SHANK2: variants seen among roughly 807,000 people sequenced by gnomAD.
SHANK2 encodes the protein SH3 and multiple ankyrin repeat domains protein 2.
SHANK2 carries 43 observed loss-of-function variants against 133.7 expected under a neutral mutation model. That is an observed-to-expected ratio of 0.32 (90% CI 0.25 to 0.41). SHANK2 has a LOEUF of 0.41. Among genes scored for constraint, SHANK2 ranks in the 10% least tolerant of loss-of-function variants. The pLI is 1.00. For synonymous variants in SHANK2, 1,017 were observed against 952.8 expected (o/e 1.07, Z -1.24); for missense variants, 1,994 against 2,235.8 (o/e 0.89, Z 2.18).
intron 17 of SHANK2, among the ~76,000 whole-genome samples, chr11:70,596,754 G>A (rs11236770): frequency 0.25 from 38,307 of 151,994 alleles, 5,176 homozygotes; most frequent in Admixed American, 0.37. Flanking sequence ...CCGGGGTCAC[G>A]GGCACTTTGG....
intron 11 of SHANK2, among the ~76,000 whole-genome samples, chr11:70,876,522 T>A (rs1247395031): frequency 6.7e-6 from 1 of 149,840 alleles, no homozygotes; most frequent in Non-Finnish European, 1.5e-5. Flanking sequence ...GTCACGCCAC[T>A]GCACTCCAGC....
At chr11:70,553,943 C>T (rs1186510342) in intron 17 of SHANK2, among the ~76,000 whole-genome samples, 7 of 152,364 alleles carry the variant, frequency 4.6e-5, no homozygotes, top group Admixed American at 6.5e-5. Flanking sequence ...GCAGAAGAGG[C>T]TACAGGCCTG....
chr11:70,615,673 T>G (rs1554995720), intron 17 of SHANK2, among the ~76,000 whole-genome samples: 2 of 152,222 alleles, frequency 1.3e-5, no homozygotes, highest in Non-Finnish European at 2.9e-5. Flanking sequence ...GAACTCGCTG[T>G]GTGGGCGGCT....
intron 11 of SHANK2, among the ~76,000 whole-genome samples, chr11:70,868,247 G>T (rs1949402407): frequency 6.6e-6 from 1 of 152,178 alleles, no homozygotes; most frequent in Non-Finnish European, 1.5e-5. Context: ...GGCTGAGGGG[G>T]TCGGCATACG....
rs1199002427 is a variant in SHANK2 at position 70,487,759 on chromosome 11, G to A, written c.2573-39C>T. 5.8e-6 allele frequency: 9 copies of A among 1,550,368 alleles called. No individual in the cohort carries two copies. Among genetic ancestry groups the A allele is most frequent in the Non-Finnish European group, 7.8e-6 (9 of 1,147,062 alleles). On this transcript the variant is annotated intron_variant, in intron 24 of 25. Transcript: ENST00000601538. The surrounding 1 kb of genome is among the most constrained non-coding windows in gnomAD (Gnocchi z 5.8). The stretch of plus-strand genomic sequence containing the variant: ...ACAGGTTTAGCTTTAAGTCACAATA[G>A]CAACAAAGCCTAAGTTCCTAGGAAC...
At chr11:70,813,659 C>A (rs1457340671) in intron 12 of SHANK2, among the ~76,000 whole-genome samples, 2 of 152,196 alleles carry the variant, frequency 1.3e-5, no homozygotes, top group Admixed American at 1.3e-4. Context: ...CAGAGGGCAG[C>A]ACAGCAAACG....
At chr11:70,602,577 G>A (rs542060358) in intron 17 of SHANK2, among the ~76,000 whole-genome samples, 1 of 152,194 alleles carries the variant, frequency 6.6e-6, no homozygotes, top group South Asian at 2.1e-4. Context: ...CCTCCACGAG[G>A]CTCTGGAAAC....
intron 11 of SHANK2, among the ~76,000 whole-genome samples, chr11:70,821,775 A>T (rs1555055992): frequency 6.6e-6 from 1 of 152,158 alleles, no homozygotes; most frequent in Admixed American, 6.5e-5. Flanking sequence ...GCCTGAGCCA[A>T]CCATACAGTC....
chr11:70,551,739 C>T (rs1554978105), intron 17 of SHANK2, among the ~76,000 whole-genome samples: 1 of 152,246 alleles, frequency 6.6e-6, no homozygotes, highest in African/African-American at 2.4e-5. Context: ...TCCCACTTAG[C>T]CTCAGCTGTG....
At chr11:70,681,080 C>T (rs1044540432) in intron 15 of SHANK2, among the ~76,000 whole-genome samples, 1 of 152,164 alleles carries the variant, frequency 6.6e-6, no homozygotes, top group African/African-American at 2.4e-5. Context: ...TGCAGGAGGA[C>T]TCAGAGGACA....
intron 2 of SHANK2, among the ~76,000 whole-genome samples, chr11:71,195,982 G>C (rs1413042124): frequency 6.6e-6 from 1 of 152,102 alleles, no homozygotes; most frequent in African/African-American, 2.4e-5. Context: ...AGGAGTTCGG[G>C]ACCAGCCTGA....
chr11:71,126,504 G>A (rs1290464470), intron 3 of SHANK2, among the ~76,000 whole-genome samples: 2 of 152,132 alleles, frequency 1.3e-5, no homozygotes, highest in Non-Finnish European at 2.9e-5. Flanking sequence ...ATGGATTAAG[G>A]ATTAATTTCG....
At chr11:70,728,033 C>G (rs1946210711) in intron 14 of SHANK2, among the ~76,000 whole-genome samples, 1 of 152,176 alleles carries the variant, frequency 6.6e-6, no homozygotes, top group South Asian at 2.1e-4. Flanking sequence ...GCTATAAATG[C>G]TTTGGAAAAG....
intron 10 of SHANK2, among the ~76,000 whole-genome samples, chr11:70,945,417 T>C (rs1430461150): frequency 6.6e-6 from 1 of 152,174 alleles, no homozygotes; most frequent in Non-Finnish European, 1.5e-5. Flanking sequence ...AAGGTGCTGT[T>C]ATCAGCCACA....
In SHANK2 at chr11:70,502,210, C is replaced by A; in HGVS notation, c.2274G>T (p.Glu758Asp). 6.4e-7 allele frequency: 1 copy of A among 1,556,194 alleles called. No individual in the cohort carries two copies. Among genetic ancestry groups the A allele is most frequent in the Non-Finnish European group, 8.7e-7 (1 of 1,149,090 alleles). The change falls in exon 19 of 26, where the codon GAG becomes GAT. Residue 758 changes from glutamate (E) to aspartate (D), a missense_variant. By Grantham distance (45) the Glu-to-Asp change is conservative. Transcript: ENST00000601538. ...RSKSMTSELE[E>D]LVDKASVRKK... is the part of the protein sequence containing the mutation. ...TGGGCCGGGTGTGCGACTTACCGAGCTCCTCCAGCTCCGAGGTCATGGACT... is the reference window on the plus strand; with the variant it reads ...TGGGCCGGGTGTGCGACTTACCGAGATCCTCCAGCTCCGAGGTCATGGACT...
chr11:70,622,416 C>T (rs933804295), intron 17 of SHANK2, among the ~76,000 whole-genome samples: 1 of 152,130 alleles, frequency 6.6e-6, no homozygotes, highest in Non-Finnish European at 1.5e-5. Context: ...GGCTTCCTGA[C>T]CCTCTGTGCG....
Position 71,252,143 on chromosome 11 carries a change from C to T in SHANK2, c.-113+282G>A, listed in dbSNP as rs1195428419. 2.0e-5 allele frequency among the ~76,000 whole-genome samples: 3 copies of T among 152,206 alleles called. No homozygotes were observed. Among genetic ancestry groups the T allele is most frequent in the Non-Finnish European group, 4.4e-5 (3 of 68,022 alleles). Reference sequence around the variant, plus strand: ...GGGGCTCCTTCCTGCGCTCTGCCCCCACGCCGCTTCCAAAGCTTTCGACAC... The same window carrying T: ...GGGGCTCCTTCCTGCGCTCTGCCCCTACGCCGCTTCCAAAGCTTTCGACAC... On this transcript the variant is annotated intron_variant, in intron 1 of 25. Transcript: ENST00000601538. This position sits in a 1 kb window ranked among gnomAD's most constrained non-coding sequence, Gnocchi z 6.3.
intron 11 of SHANK2, among the ~76,000 whole-genome samples, chr11:70,840,189 G>A (rs963477178): frequency 5.3e-5 from 8 of 152,202 alleles, no homozygotes; most frequent in African/African-American, 9.7e-5. Context: ...CACTGTGATC[G>A]CCACCTCAAT....
rs2058599039 is a variant in SHANK2 at position 70,471,604 on chromosome 11, C to T, written c.*1265G>A. On this transcript the variant is annotated 3_prime_UTR_variant, in exon 26 of 26. Transcript: ENST00000601538. The surrounding 1 kb of genome is among the most constrained non-coding windows in gnomAD (Gnocchi z 4.1). ...TGCCGCCCACCTTCTGTTCTCAACCCTGGGTTCTGTCTATACTCCATACCC... is the reference window on the plus strand; with the variant it reads ...TGCCGCCCACCTTCTGTTCTCAACCTTGGGTTCTGTCTATACTCCATACCC... 2.5e-6 allele frequency: 1 copy of T among 392,806 alleles called. No individual in the cohort carries two copies. The highest frequency in any genetic ancestry group is 4.5e-6 in the Non-Finnish European group (1 of 223,100). The allele number at this position is 392,806 out of a possible 1,614,324, so 24.3% of individuals were successfully genotyped here. A position where few individuals can be genotyped will look rare whatever the true frequency, so the allele number is the denominator to read the frequency against.
Sources: allele counts gnomAD v4.1 joint callset (sites outside exome capture counted in the v4.1 genomes callset), GRCh38; gene constraint gnomAD v4.1.1; non-coding constraint Gnocchi (gnomAD v3.1); transcripts MANE v1.5; gene names NCBI Gene and HGNC (gene_info 2026-07-23, HGNC 2026-07-21).